The following PPFIA2 variants were observed in gnomAD, a reference collection of about 807,000 sequenced individuals.
PPFIA2 encodes the protein liprin-alpha-2.
A neutral mutation model predicts 175.5 loss-of-function variants in PPFIA2; 46 were observed. The ratio of observed to expected loss-of-function variants is 0.26; its 90% CI spans 0.21 to 0.34. The LOEUF (loss-of-function observed/expected upper bound fraction) is 0.34. Among genes scored for constraint, PPFIA2 ranks in the 10% least tolerant of loss-of-function variants. The pLI, the probability that PPFIA2 is intolerant of heterozygous loss-of-function variation, is 1.00. For synonymous variants in PPFIA2, 568 were observed against 511.4 expected (o/e 1.11, Z -1.49); for missense variants, 1,179 against 1,506.1 (o/e 0.78, Z 3.60).
intron 4 of PPFIA2, among the ~76,000 whole-genome samples, chr12:81,458,709 C>T (rs763297508): frequency 1.3e-5 from 2 of 152,084 alleles, no homozygotes; most frequent in Non-Finnish European, 2.9e-5. Context: ...TTTGTTAACA[C>T]ACAGAAAAGG....
chr12:81,330,810 A>G (rs541281352), intron 21 of PPFIA2, among the ~76,000 whole-genome samples: 1 of 152,302 alleles, frequency 6.6e-6, no homozygotes, highest in South Asian at 2.1e-4. Context: ...ATTAAAACAC[A>G]TTTGAATTTA....
At chr12:81,758,575 G>C (rs537698921) in intron 1 of PPFIA2, 68 bp from the exon 2 acceptor site, 1 of 368,392 alleles carries the variant, frequency 2.7e-6, no homozygotes, top group Non-Finnish European at 5.5e-6. Context: ...AACGTGCCCC[G>C]GCCCGGTGGC....
chr12:81,701,294 C>T (rs1468488584), intron 3 of PPFIA2, among the ~76,000 whole-genome samples: 4 of 152,154 alleles, frequency 2.6e-5, no homozygotes, highest in Admixed American at 6.5e-5. Context: ...GCTATTACTG[C>T]TCATTACAGG....
At chr12:81,658,493 A>G (rs1259583825) in intron 4 of PPFIA2, among the ~76,000 whole-genome samples, 1 of 151,982 alleles carries the variant, frequency 6.6e-6, no homozygotes, top group Non-Finnish European at 1.5e-5. Context: ...AGCTGTATTC[A>G]TCCATCTGTT....
chr12:81,443,796 T>TA (rs1451457063), intron 6 of PPFIA2, among the ~76,000 whole-genome samples: 1 of 149,946 alleles, frequency 6.7e-6, no homozygotes, highest in Non-Finnish European at 1.5e-5. Flanking sequence ...TTTCTCTGCT[T>TA]AAAAAACCCT....
chr12:81,633,878 T>A (rs2063689279), intron 4 of PPFIA2, among the ~76,000 whole-genome samples: 1 of 151,998 alleles, frequency 6.6e-6, no homozygotes, highest in Non-Finnish European at 1.5e-5. Context: ...GTTGCTTATG[T>A]TTATATTAGG....
chr12:81,590,882 T>C (rs2058596936), intron 4 of PPFIA2, among the ~76,000 whole-genome samples: 1 of 152,138 alleles, frequency 6.6e-6, no homozygotes, highest in Non-Finnish European at 1.5e-5. Context: ...AACGGACTAA[T>C]ACAGTAAATT....
At chr12:81,677,135 T>C (rs1412080554) in intron 3 of PPFIA2, among the ~76,000 whole-genome samples, 3 of 151,880 alleles carry the variant, frequency 2.0e-5, no homozygotes, top group Non-Finnish European at 4.4e-5. Flanking sequence ...AAAAGAAAAT[T>C]TAAGAAAACT....
At chr12:81,585,020 A>AATATGTT (rs1567452153) in intron 4 of PPFIA2, among the ~76,000 whole-genome samples, 6 of 92,878 alleles carry the variant, frequency 6.5e-5, no homozygotes, top group East Asian at 2.8e-4. Flanking sequence ...ATTTATATAT[A>AATATGTT]ATATATTAAT....
intron 7 of PPFIA2, chr12:81,431,550 T>A (rs1257692210): frequency 1.3e-5 from 2 of 152,142 alleles, no homozygotes; most frequent in Non-Finnish European, 2.9e-5. Flanking sequence ...TTTACAATAT[T>A]TTGTTTGATT....
chr12:81,642,735 A>ATATATTATATACATACATGTACG (rs1567688489), intron 4 of PPFIA2, among the ~76,000 whole-genome samples: 2 of 7,074 alleles, frequency 2.8e-4, no homozygotes, highest in African/African-American at 5.8e-4. Context: ...ATACATGTAT[A>ATATATTATATACATACATGTACG]TGTATGTATG....
chr12:81,381,368 A>C (rs979792132), intron 9 of PPFIA2, among the ~76,000 whole-genome samples: 3 of 152,172 alleles, frequency 2.0e-5, no homozygotes, highest in African/African-American at 7.2e-5. Context: ...GTGTTTTGTT[A>C]CCTACATTCA....
Position 81,440,049 on chromosome 12 carries a change from A to G in PPFIA2, c.571-3T>C. 6.3e-7 allele frequency: 1 copy of G among 1,594,584 alleles called. No homozygotes were observed. Among genetic ancestry groups the G allele is most frequent in the South Asian group, 1.1e-5 (1 of 87,854 alleles). ...GAAACCCTCAGTCGCTCCCTTACCT[A>G]GAAGAAAAATCAAAATATGTGCAGT... is the stretch of plus-strand genomic sequence containing the variant. On this transcript the variant is annotated splice_polypyrimidine_tract_variant and splice_region_variant and intron_variant, in intron 6 of 32. Transcript: ENST00000549396.
chr12:81,498,143 G>T (rs2060222073), intron 4 of PPFIA2, among the ~76,000 whole-genome samples: 1 of 152,134 alleles, frequency 6.6e-6, no homozygotes, highest in Non-Finnish European at 1.5e-5. Flanking sequence ...AATAATTTTA[G>T]ATGTATAAAA....
chr12:81,444,382 C>T (rs2145214308), intron 6 of PPFIA2, among the ~76,000 whole-genome samples: 1 of 152,062 alleles, frequency 6.6e-6, no homozygotes, highest in African/African-American at 2.4e-5. Context: ...AAATTCTATA[C>T]ATATAAACTC....
At chr12:81,471,127 ATTT>A (rs2056649071) in intron 4 of PPFIA2, 1 of 145,586 alleles carries the variant, frequency 6.9e-6, no homozygotes, top group East Asian at 2.0e-4. Context: ...TTATTTATTT[ATTT>A]ATTTATTTAT....
At chr12:81,734,439 G>A (rs1401285608) in intron 3 of PPFIA2, among the ~76,000 whole-genome samples, 2 of 151,802 alleles carry the variant, frequency 1.3e-5, no homozygotes, top group African/African-American at 2.4e-5. Context: ...AAGGGGGAGA[G>A]AGGCAGATTA....
chr12:81,346,927 T>A lies in PPFIA2; in HGVS notation c.2232+606A>T, dbSNP rs546251742. Among the ~76,000 whole-genome samples the A allele has an allele frequency of 2.6e-3, 394 of 151,874 alleles. 2 individuals carry two copies. Among genetic ancestry groups the A allele is most frequent in the African/African-American group, 9.1e-3 (376 of 41,450 alleles). ...AAGTCATTCAATTTTTAAAAAAAAA[T>A]TATTTTATTTTATTTTTTTCAAGAA... On this transcript the variant is annotated intron_variant, in intron 18 of 32. Coordinates refer to ENST00000549396, the MANE Select transcript of PPFIA2 (RefSeq NM_003625.5).
At chr12:81,690,411 G>T (rs1809408987) in intron 3 of PPFIA2, among the ~76,000 whole-genome samples, 1 of 152,056 alleles carries the variant, frequency 6.6e-6, no homozygotes, top group Non-Finnish European at 1.5e-5. Context: ...TTCATGGAAA[G>T]TATACTGAAT....
Sources: allele counts gnomAD v4.1 joint callset (sites outside exome capture counted in the v4.1 genomes callset), GRCh38; gene constraint gnomAD v4.1.1; transcripts MANE v1.5; gene names NCBI Gene and HGNC (gene_info 2026-07-23, HGNC 2026-07-21).